ELMO1: variants seen among roughly 807,000 people sequenced by gnomAD.
ELMO1 encodes engulfment and cell motility 1, also known as engulfment and cell motility protein 1.
In ELMO1, 26 loss-of-function variants were observed where a neutral mutation model predicts 98.9. The observed-to-expected ratio is 0.26, with a 90% confidence interval of 0.19 to 0.36. ELMO1 has a LOEUF of 0.36. Among genes scored for constraint, ELMO1 ranks in the 10% least tolerant of loss-of-function variants. ELMO1 has a pLI of 1.00. For missense variants in ELMO1, 627 were observed against 935.2 expected, an observed-to-expected ratio of 0.67 and a Z score of 4.30; for synonymous variants, 346 against 346.0, an observed-to-expected ratio of 1.00 and a Z score of 0.00.
intron 1 of ELMO1, among the ~76,000 whole-genome samples, chr7:37,445,329 A>T (rs1293776377): frequency 2.6e-5 from 4 of 152,228 alleles, no homozygotes; most frequent in African/African-American, 9.7e-5. Context: ...TGTCTTATAA[A>T]CCAAACTATC....
intron 16 of ELMO1, among the ~76,000 whole-genome samples, chr7:37,000,639 C>T (rs889505193): frequency 6.6e-6 from 1 of 152,182 alleles, no homozygotes; most frequent in Admixed American, 6.5e-5. Context: ...ATTCCTGCTG[C>T]ACAAGCACGT....
intron 1 of ELMO1, among the ~76,000 whole-genome samples, chr7:37,348,555 A>G (rs1801116007): frequency 6.6e-6 from 1 of 152,196 alleles, no homozygotes; most frequent in South Asian, 2.1e-4. Context: ...GATTAAATAA[A>G]GAGGAATCAC....
At chr7:36,968,926 A>G (rs1212297129) in intron 16 of ELMO1, among the ~76,000 whole-genome samples, 1 of 152,116 alleles carries the variant, frequency 6.6e-6, no homozygotes, top group East Asian at 1.9e-4. Flanking sequence ...GCTATATCCC[A>G]TAAGTTTTGG....
At chr7:36,905,097 G>T (rs999468146) in intron 16 of ELMO1, among the ~76,000 whole-genome samples, 1 of 152,176 alleles carries the variant, frequency 6.6e-6, no homozygotes, top group African/African-American at 2.4e-5. Context: ...GAGGAGACAC[G>T]GTGGGGGAAA....
At chr7:37,410,085 A>G (rs1413178102) in intron 1 of ELMO1, among the ~76,000 whole-genome samples, 1 of 152,234 alleles carries the variant, frequency 6.6e-6, no homozygotes, top group Non-Finnish European at 1.5e-5. Context: ...CAGAACCCTT[A>G]ACTACTATGA....
chr7:37,013,234 G>A (rs1026329152), intron 16 of ELMO1, 65 bp downstream of exon 16: 4 of 1,591,942 alleles, frequency 2.5e-6, no homozygotes, highest in Admixed American at 3.4e-5. Context: ...CACAGCCAAG[G>A]GACCATGCAG....
chr7:37,123,789 A>G (rs981443884), intron 14 of ELMO1, among the ~76,000 whole-genome samples: 3 of 152,240 alleles, frequency 2.0e-5, no homozygotes, highest in Admixed American at 6.5e-5. Flanking sequence ...TCATTTCATG[A>G]GGCCAGCATC....
intron 4 of ELMO1, among the ~76,000 whole-genome samples, chr7:37,272,896 A>G (rs1408836258): frequency 1.3e-5 from 2 of 152,184 alleles, no homozygotes; most frequent in African/African-American, 2.4e-5. Context: ...TGACTGCTCC[A>G]TGGGTCCAGT....
intron 16 of ELMO1, among the ~76,000 whole-genome samples, chr7:36,976,831 T>G (rs911193431): frequency 1.3e-5 from 2 of 152,226 alleles, no homozygotes; most frequent in Admixed American, 6.5e-5. Flanking sequence ...CATGCCTTCC[T>G]TTCCCTTGAA....
At chr7:37,369,630 G>A (rs1802034033) in intron 1 of ELMO1, among the ~76,000 whole-genome samples, 2 of 147,268 alleles carry the variant, frequency 1.4e-5, no homozygotes, top group East Asian at 2.0e-4. Flanking sequence ...TAACCAACGG[G>A]TAAGAAGGAT....
chr7:37,234,294 CAT>C (rs1208702395), intron 7 of ELMO1, among the ~76,000 whole-genome samples: 2 of 152,182 alleles, frequency 1.3e-5, no homozygotes, highest in Non-Finnish European at 2.9e-5. Flanking sequence ...AGTCTCCTAA[CAT>C]ATTTAGATTG....
intron 14 of ELMO1, among the ~76,000 whole-genome samples, chr7:37,109,907 A>G (rs1216493575): frequency 6.6e-6 from 1 of 152,244 alleles, no homozygotes; most frequent in Non-Finnish European, 1.5e-5. Flanking sequence ...TTCCTCAACA[A>G]TGGACAAAGA....
At chr7:37,392,377 A>G (rs1197902932) in intron 1 of ELMO1, among the ~76,000 whole-genome samples, 5 of 152,198 alleles carry the variant, frequency 3.3e-5, no homozygotes, top group Admixed American at 2.6e-4. Context: ...AAGAAGGAAC[A>G]CAAGATCCCA....
chr7:37,043,586 A>G (rs983275897), intron 15 of ELMO1, among the ~76,000 whole-genome samples: 1 of 152,202 alleles, frequency 6.6e-6, no homozygotes, highest in African/African-American at 2.4e-5. Context: ...AAATTCTACT[A>G]TGTGTAAATT....
intron 2 of ELMO1, among the ~76,000 whole-genome samples, chr7:37,333,461 C>T (rs1328021133): frequency 2.0e-5 from 3 of 152,130 alleles, no homozygotes; most frequent in Non-Finnish European, 4.4e-5. Flanking sequence ...CCAGCACCCA[C>T]CTACAGAGCA....
chr7:37,013,522 G>A (rs1793708351), intron 15 of ELMO1, 87 bp from the exon 16 acceptor site: 6 of 1,463,816 alleles, frequency 4.1e-6, no homozygotes, highest in Non-Finnish European at 4.7e-6. Context: ...CCCAAAGGGA[G>A]ACAAGCGGAG....
At chr7:37,067,954 A>G (rs1268901861) in intron 15 of ELMO1, among the ~76,000 whole-genome samples, 1 of 152,164 alleles carries the variant, frequency 6.6e-6, no homozygotes, top group Non-Finnish European at 1.5e-5. Context: ...GCTTGGGGTT[A>G]TGAGAATCCA....
intron 16 of ELMO1, among the ~76,000 whole-genome samples, chr7:36,958,560 T>C (rs12536168): frequency 2.0e-5 from 3 of 152,126 alleles, no homozygotes; most frequent in Admixed American, 6.5e-5. Flanking sequence ...CGGTGAATCA[T>C]AGCTGAATCT....
intron 4 of ELMO1, among the ~76,000 whole-genome samples, chr7:37,289,733 A>C (rs1797577307): frequency 6.6e-6 from 1 of 151,872 alleles, no homozygotes; most frequent in Admixed American, 6.6e-5. Flanking sequence ...TTTCACTTGC[A>C]TTGCATTCGA....
Sources: gnomAD v4.1 joint callset for allele counts (sites outside exome capture counted in the v4.1 genomes callset) on GRCh38, gnomAD v4.1.1 for gene constraint, MANE v1.5 for transcripts, NCBI Gene and HGNC (gene_info 2026-07-23, HGNC 2026-07-21) for gene names.